The following DYNC2I1 variants were observed in gnomAD, a reference collection of about 807,000 sequenced individuals.
DYNC2I1 encodes cytoplasmic dynein 2 intermediate chain 1.
Under a neutral mutation model 133.4 loss-of-function variants are expected in DYNC2I1, and 89 were observed. The observed-to-expected ratio is 0.67, with a 90% CI of 0.56 to 0.80. The LOEUF (loss-of-function observed/expected upper bound fraction) is 0.80. Among genes scored for constraint, DYNC2I1 ranks in the 30% least tolerant of loss-of-function variants. The pLI is 0.00. For missense variants in DYNC2I1, 1,291 were observed against 1,314.5 expected (o/e 0.98, Z 0.28); for synonymous variants, 504 against 484.3 (o/e 1.04, Z -0.54).
At chr7:158,909,356 GATA>G in intron 11 of DYNC2I1, among the ~76,000 whole-genome samples, 1 of 116,736 alleles carries the variant, frequency 8.6e-6, no homozygotes, top group East Asian at 3.0e-4. Context: ...AAAAAAAAAA[GATA>G]ATACTTCAGT....
intron 24 of DYNC2I1, among the ~76,000 whole-genome samples, chr7:158,944,733 G>A (rs1352096282): frequency 6.6e-6 from 1 of 152,206 alleles, no homozygotes; most frequent in Non-Finnish European, 1.5e-5. Context: ...ATCAGGCACA[G>A]CCAGGATCCT....
At chr7:158,958,294 C>T (rs1410268328), downstream of DYNC2I1, among the ~76,000 whole-genome samples, 2 of 152,134 alleles carry the variant, frequency 1.3e-5, no homozygotes, top group African/African-American at 4.8e-5. Flanking sequence ...AAGCCTGTGC[C>T]GCGTGGGAGG....
At chr7:158,869,620 T>G (rs912382883) in intron 1 of DYNC2I1, 2 of 539,390 alleles carry the variant, frequency 3.7e-6, no homozygotes, top group Non-Finnish European at 3.4e-6. Flanking sequence ...TTATAATATT[T>G]AAGTTTTGAA....
At chr7:158,883,706 C>T (rs1257232924) in intron 5 of DYNC2I1, among the ~76,000 whole-genome samples, 2 of 140,684 alleles carry the variant, frequency 1.4e-5, no homozygotes, top group Non-Finnish European at 3.0e-5. Flanking sequence ...CTCTGTTGCC[C>T]AGGCTGGAGT....
At chr7:158,905,346 G>C (rs1846687261) in intron 10 of DYNC2I1, 1 of 287,674 alleles carries the variant, frequency 3.5e-6, no homozygotes, top group Non-Finnish European at 6.7e-6. Context: ...TTGCCATGTT[G>C]GCCCGGCTGG....
chr7:158,844,653 G>A, the DYNC2I1 span, among the ~76,000 whole-genome samples: 1 of 151,558 alleles, frequency 6.6e-6, no homozygotes, highest in Non-Finnish European at 1.5e-5. Flanking sequence ...ATGGAGTTTC[G>A]CTCTTGTTGC....
At chr7:158,917,275 G>A (rs201270529) in intron 14 of DYNC2I1, among the ~76,000 whole-genome samples, 8 of 120,272 alleles carry the variant, frequency 6.7e-5, no homozygotes, top group East Asian at 6.0e-4. Context: ...ATTGTGAAAC[G>A]TCGACATGCT....
At chr7:158,844,194 T>C in the DYNC2I1 span, among the ~76,000 whole-genome samples, 3 of 152,218 alleles carry the variant, frequency 2.0e-5, no homozygotes, top group Admixed American at 2.0e-4. Flanking sequence ...CCAAGTGAGT[T>C]TGGGGTCCTG....
At chr7:158,875,505 T>G (rs1466950967) in intron 3 of DYNC2I1, among the ~76,000 whole-genome samples, 1 of 152,210 alleles carries the variant, frequency 6.6e-6, no homozygotes, top group Admixed American at 6.5e-5. Flanking sequence ...ATGCCTTTTT[T>G]GTGTGCAGAT....
chr7:158,867,045 C>A (rs576107523), intron 1 of DYNC2I1, among the ~76,000 whole-genome samples: 61 of 131,270 alleles, frequency 4.6e-4, no homozygotes, highest in African/African-American at 1.5e-3. Flanking sequence ...TTGAAACAAA[C>A]CCCCAAATGC....
chr7:158,873,772 T>A (rs1015826850), intron 3 of DYNC2I1, among the ~76,000 whole-genome samples: 2 of 152,116 alleles, frequency 1.3e-5, no homozygotes, highest in Non-Finnish European at 2.9e-5. Flanking sequence ...ATTATTCTTT[T>A]TGGAGATAGA....
chr7:158,944,149 C>T (rs552174662), intron 24 of DYNC2I1, among the ~76,000 whole-genome samples: 24 of 152,290 alleles, frequency 1.6e-4, no homozygotes, highest in African/African-American at 4.8e-4. Context: ...ATGACTTACC[C>T]GTTGCATGTG....
chr7:158,932,215 G>T (rs186695277), intron 21 of DYNC2I1, among the ~76,000 whole-genome samples: 1 of 152,222 alleles, frequency 6.6e-6, no homozygotes, highest in Non-Finnish European at 1.5e-5. Context: ...CAGGGTTGTC[G>T]TGCAGAGGAC....
intron 13 of DYNC2I1, among the ~76,000 whole-genome samples, chr7:158,913,883 A>AT (rs1847742404): frequency 6.6e-6 from 1 of 151,882 alleles, no homozygotes; most frequent in Admixed American, 6.6e-5. Flanking sequence ...TAATTTTTGT[A>AT]TTTTTTAGTA....
chr7:158,901,707 T>A, intron 8 of DYNC2I1, 32 bp from the exon 9 acceptor site: 1 of 1,402,572 alleles, frequency 7.1e-7, no homozygotes. Flanking sequence ...ATGATTGAAT[T>A]TTTTGGTTTT....
rs965674524 is a variant in DYNC2I1 at position 158,856,593 on chromosome 7, G to C, written c.-143G>C. 1.2e-6 allele frequency: 1 copy of C among 852,952 alleles called. No individual in the cohort carries two copies. Among genetic ancestry groups the C allele is most frequent in the Non-Finnish European group, 1.6e-6 (1 of 643,234 alleles). 52.8% of individuals were successfully genotyped at this position (852,952 alleles called of 1,614,324 possible). ...GCAGGGCACGCTGGGCAGTGCTTCTGGGCCCTCTGCTGCTCCTGCTTGTCG... is the reference window on the plus strand; with the variant it reads ...GCAGGGCACGCTGGGCAGTGCTTCTCGGCCCTCTGCTGCTCCTGCTTGTCG... On this transcript the variant is annotated 5_prime_UTR_variant, in exon 1 of 25. Coordinates refer to ENST00000407559, the MANE Select transcript of DYNC2I1 (RefSeq NM_018051.5).
At chr7:158,901,913 A>T in intron 9 of DYNC2I1, 97 bp downstream of exon 9, 1 of 924,186 alleles carries the variant, frequency 1.1e-6, no homozygotes, top group Admixed American at 3.2e-5. Context: ...TATTCTTTTT[A>T]TTAATCCTAA....
intron 16 of DYNC2I1, 147 bp from the exon 17 acceptor site, chr7:158,923,424 A>C: frequency 9.8e-7 from 1 of 1,023,486 alleles, no homozygotes; most frequent in East Asian, 2.5e-5. Flanking sequence ...ATTTCTGTGC[A>C]GGAGTCTACG....
intron 20 of DYNC2I1, 140 bp from the exon 21 acceptor site, chr7:158,930,315 A>T: frequency 1.3e-6 from 1 of 770,948 alleles, no homozygotes; most frequent in Admixed American, 2.0e-5. Flanking sequence ...GAAGGGAGGG[A>T]TGCTGTGTAT....
Sources: gnomAD v4.1 joint callset for allele counts (sites outside exome capture counted in the v4.1 genomes callset) on GRCh38, gnomAD v4.1.1 for gene constraint, MANE v1.5 for transcripts, NCBI Gene and HGNC (gene_info 2026-07-23, HGNC 2026-07-21) for gene names.